DOCK3: variants seen among roughly 807,000 people sequenced by gnomAD.
The protein encoded by DOCK3 is dedicator of cytokinesis 3, also known as dedicator of cytokinesis protein 3.
DOCK3 carries 60 observed loss-of-function variants against 265.6 expected under a neutral mutation model. The observed-to-expected ratio is 0.23, with a 90% CI of 0.18 to 0.28. The LOEUF (loss-of-function observed/expected upper bound fraction) is 0.28. Ranked by LOEUF, DOCK3 falls within the 10% of genes least tolerant of loss-of-function variation. DOCK3 has a pLI of 1.00. For missense variants in DOCK3, 1,981 were observed against 2,594.3 expected (o/e 0.76, Z 5.14); for synonymous variants, 881 against 938.0 (o/e 0.94, Z 1.11).
At chr3:51,182,195 A>G (rs1347112740) in intron 12 of DOCK3, among the ~76,000 whole-genome samples, 1 of 152,114 alleles carries the variant, frequency 6.6e-6, no homozygotes, top group Non-Finnish European at 1.5e-5. Context: ...TGGCCCCACC[A>G]TATTATAGGT....
intron 4 of DOCK3, among the ~76,000 whole-genome samples, chr3:50,892,433 G>C (rs2107745064): frequency 6.6e-6 from 1 of 152,180 alleles, no homozygotes; most frequent in East Asian, 1.9e-4. Flanking sequence ...GCACAAAACA[G>C]AGTAGACACG....
At chr3:50,795,816 T>C (rs998725523) in intron 2 of DOCK3, among the ~76,000 whole-genome samples, 4 of 152,214 alleles carry the variant, frequency 2.6e-5, no homozygotes, top group Non-Finnish European at 5.9e-5. Context: ...CAAATTCTTG[T>C]AGTGTGTTTT....
intron 12 of DOCK3, among the ~76,000 whole-genome samples, chr3:51,185,342 A>G (rs1010580143): frequency 6.6e-6 from 1 of 152,168 alleles, no homozygotes; most frequent in African/African-American, 2.4e-5. Context: ...TGACTCTAAA[A>G]TTCTTATAAA....
chr3:50,829,444 A>C (rs1458787724), intron 2 of DOCK3, among the ~76,000 whole-genome samples: 2 of 152,096 alleles, frequency 1.3e-5, no homozygotes, highest in African/African-American at 4.8e-5. Context: ...GATTAATATA[A>C]AATTTTGGAT....
chr3:51,018,660 T>G (rs969835638), intron 5 of DOCK3, among the ~76,000 whole-genome samples: 3 of 151,832 alleles, frequency 2.0e-5, no homozygotes, highest in African/African-American at 7.3e-5. Flanking sequence ...ACTTTATACA[T>G]GTAGTCAGAA....
chr3:51,085,777 C>A (rs2082396397), intron 7 of DOCK3, among the ~76,000 whole-genome samples: 1 of 151,688 alleles, frequency 6.6e-6, no homozygotes, highest in African/African-American at 2.4e-5. Context: ...AAAGGAAAAA[C>A]AAACTAAACC....
At chr3:50,681,413 A>T (rs2034401959) in intron 1 of DOCK3, among the ~76,000 whole-genome samples, 1 of 152,194 alleles carries the variant, frequency 6.6e-6, no homozygotes, top group Admixed American at 6.5e-5. Flanking sequence ...ATTATTCCCA[A>T]CATGTAAGCA....
At chr3:50,959,311 A>G (rs1349014459) in intron 5 of DOCK3, among the ~76,000 whole-genome samples, 1 of 152,068 alleles carries the variant, frequency 6.6e-6, no homozygotes, top group African/African-American at 2.4e-5. Flanking sequence ...AACATACTTT[A>G]TCATCTTACA....
intron 1 of DOCK3, among the ~76,000 whole-genome samples, chr3:50,758,300 A>C (rs1431077452): frequency 6.7e-6 from 1 of 149,334 alleles, no homozygotes; most frequent in Non-Finnish European, 1.5e-5. Context: ...TTATGCCACT[A>C]CCACACTATC....
intron 5 of DOCK3, among the ~76,000 whole-genome samples, chr3:51,048,919 G>A (rs761206191): frequency 4.2e-4 from 64 of 151,828 alleles, no homozygotes; most frequent in Non-Finnish European, 4.0e-4. Flanking sequence ...ATGTGTTCAG[G>A]GTAACGAGCA....
chr3:50,805,096 G>A (rs1360293403), intron 2 of DOCK3, among the ~76,000 whole-genome samples: 2 of 152,000 alleles, frequency 1.3e-5, no homozygotes, highest in Non-Finnish European at 2.9e-5. Context: ...TGGTTGATAT[G>A]TCCCTATATT....
At chr3:50,934,345 TCCC>T (rs1161299142) in intron 5 of DOCK3, among the ~76,000 whole-genome samples, 2 of 152,150 alleles carry the variant, frequency 1.3e-5, no homozygotes, top group Non-Finnish European at 2.9e-5. Flanking sequence ...CATTGTTGTG[TCCC>T]CAGATGCTTT....
chr3:51,270,889 G>A lies in DOCK3; in HGVS notation c.2430G>A (p.Glu810=), dbSNP rs747918920. 7 of 1,614,036 alleles carry A rather than the reference G, an allele frequency of 4.3e-6. No homozygotes were observed. The highest frequency in any genetic ancestry group is 5.9e-6 in the Non-Finnish European group (7 of 1,179,896). Residue 810 remains glutamate (E), a synonymous_variant, in exon 24 of 53, where the codon GAG becomes GAA. Coordinates refer to ENST00000266037, the MANE Select transcript of DOCK3 (RefSeq NM_004947.5). The stretch of plus-strand genomic sequence containing the variant: ...TGTTCACCGTGCAAGAGGTGGCAGA[G>A]TTTGTGAGAGGGACACTGGGGAGCA... The part of the protein sequence containing the change: ...LQMFTVQEVA[E]FVRGTLGSMP...
At chr3:51,132,866 A>G (rs2084619068) in intron 9 of DOCK3, among the ~76,000 whole-genome samples, 1 of 152,194 alleles carries the variant, frequency 6.6e-6, no homozygotes, top group South Asian at 2.1e-4. Context: ...CTCTTTTGCC[A>G]GAAAGAACAC....
intron 12 of DOCK3, among the ~76,000 whole-genome samples, chr3:51,198,250 G>C (rs1184082045): frequency 6.6e-6 from 1 of 152,210 alleles, no homozygotes; most frequent in Non-Finnish European, 1.5e-5. Context: ...TGGTGAACCT[G>C]CTTCTGCACC....
At chr3:50,832,435 A>AT (rs770234271) in intron 2 of DOCK3, among the ~76,000 whole-genome samples, 1 of 152,204 alleles carries the variant, frequency 6.6e-6, no homozygotes, top group Non-Finnish European at 1.5e-5. Context: ...AGCCTGCAGA[A>AT]TAGGAGAAAA....
chr3:50,773,164 T>G (rs887144545), intron 1 of DOCK3, among the ~76,000 whole-genome samples: 4 of 152,042 alleles, frequency 2.6e-5, no homozygotes, highest in Non-Finnish European at 4.4e-5. Context: ...TTGACAAAGG[T>G]GCCAACAATA....
At chr3:51,014,011 A>G (rs1347007755) in intron 5 of DOCK3, among the ~76,000 whole-genome samples, 1 of 152,152 alleles carries the variant, frequency 6.6e-6, no homozygotes, top group Non-Finnish European at 1.5e-5. Context: ...GTTTGTTAAG[A>G]CCATTGGACA....
chr3:51,311,926 T>C, intron 28 of DOCK3, 78 bp from the exon 29 acceptor site: 2 of 1,092,356 alleles, frequency 1.8e-6, no homozygotes. Context: ...GCACACAGGC[T>C]ATAGACAGCT....
Sources: gnomAD v4.1 joint callset for allele counts (sites outside exome capture counted in the v4.1 genomes callset) on GRCh38, gnomAD v4.1.1 for gene constraint, MANE v1.5 for transcripts, NCBI Gene and HGNC (gene_info 2026-07-23, HGNC 2026-07-21) for gene names.